The following HDAC4 variants were observed in gnomAD, a reference collection of about 807,000 sequenced individuals.
HDAC4 encodes histone deacetylase 4.
Under a neutral mutation model 135.1 loss-of-function variants are expected in HDAC4, and 16 were observed. The ratio of observed to expected loss-of-function variants is 0.12; its 90% CI spans 0.08 to 0.18. HDAC4 has a LOEUF of 0.18. Ranked by LOEUF, HDAC4 falls within the 10% of genes least tolerant of loss-of-function variation. The pLI, the probability that HDAC4 is intolerant of heterozygous loss-of-function variation, is 1.00. For missense variants in HDAC4, 1,143 were observed against 1,511.8 expected (o/e 0.76, Z 4.05); for synonymous variants, 685 against 653.4 (o/e 1.05, Z -0.74).
At chr2:239,179,998 G>A (rs551666402) in intron 4 of HDAC4, among the ~76,000 whole-genome samples, 72 of 152,382 alleles carry the variant, frequency 4.7e-4, no homozygotes, top group Non-Finnish European at 7.9e-4. Flanking sequence ...GTGCAAGGGC[G>A]CTGCCCTTCT....
chr2:239,189,735 C>A (rs1452228814), intron 4 of HDAC4, 98 bp downstream of exon 4: 5 of 1,244,552 alleles, frequency 4.0e-6, no homozygotes, highest in Non-Finnish European at 5.7e-6. Flanking sequence ...TGCATCATGC[C>A]TGGGGCCCCA....
At chr2:239,396,139 ATT>A (rs557713979) in intron 1 of HDAC4, among the ~76,000 whole-genome samples, 10 of 138,700 alleles carry the variant, frequency 7.2e-5, no homozygotes, top group East Asian at 2.1e-4. Context: ...GTCATGCCTG[ATT>A]TTTTTTTTTT....
intron 3 of HDAC4, among the ~76,000 whole-genome samples, chr2:239,208,024 A>C (rs910840571): frequency 6.6e-6 from 1 of 152,146 alleles, no homozygotes; most frequent in Non-Finnish European, 1.5e-5. Flanking sequence ...GTTTTAACAC[A>C]AGAAAACACA....
intron 2 of HDAC4, among the ~76,000 whole-genome samples, chr2:239,336,836 C>A (rs1691970581): frequency 6.6e-6 from 1 of 152,220 alleles, no homozygotes; most frequent in Non-Finnish European, 1.5e-5. Flanking sequence ...CCTGAAGTTT[C>A]CCACTAATGT....
At chr2:239,340,311 C>T (rs1476069575) in intron 2 of HDAC4, among the ~76,000 whole-genome samples, 4 of 152,050 alleles carry the variant, frequency 2.6e-5, no homozygotes, top group East Asian at 1.9e-4. Flanking sequence ...TGAGGACTGG[C>T]GAAGAACAAA....
rs770675183 is a variant in HDAC4, at chr2:239,134,465, C to T, written c.1096-22G>A. Reference sequence around the variant, plus strand: ...TGCCCTGGAAAGCACAGCCAGGATGCTCGGGTGGAAGGACCCATCACCACC... The same window carrying T: ...TGCCCTGGAAAGCACAGCCAGGATGTTCGGGTGGAAGGACCCATCACCACC... On this transcript the variant is annotated intron_variant, in intron 10 of 26. Coordinates refer to ENST00000543185, the MANE Select transcript of HDAC4 (RefSeq NM_001378414.1). 50 of 1,613,676 alleles carry T rather than the reference C, an allele frequency of 3.1e-5. No homozygotes were observed. In the East Asian group the frequency reaches 1.1e-3, roughly 35 times the overall value.
intron 12 of HDAC4, among the ~76,000 whole-genome samples, chr2:239,121,771 C>G (rs977005184): frequency 6.6e-6 from 1 of 152,232 alleles, no homozygotes; most frequent in Non-Finnish European, 1.5e-5. Context: ...GGCCAGGCCC[C>G]TTGCCTTGGC....
intron 2 of HDAC4, among the ~76,000 whole-genome samples, chr2:239,249,976 G>T (rs2124930322): frequency 6.6e-6 from 1 of 152,254 alleles, no homozygotes; most frequent in African/African-American, 2.4e-5. Context: ...TCATCCAAGG[G>T]GAAGCTCTGC....
chr2:239,295,306 C>CAAAAAAAAAAAAAA (rs55990119), intron 2 of HDAC4, among the ~76,000 whole-genome samples: 7 of 46,560 alleles, frequency 1.5e-4, no homozygotes, highest in East Asian at 8.1e-4. Flanking sequence ...GACTCCGTCT[C>CAAAAAAAAAAAAAA]AAAAAAAAAA....
At chr2:239,295,969 C>T (rs1390451771) in intron 2 of HDAC4, among the ~76,000 whole-genome samples, 1 of 152,228 alleles carries the variant, frequency 6.6e-6, no homozygotes, top group Non-Finnish European at 1.5e-5. Context: ...GTAATTAGAG[C>T]TACCAGGCAA....
rs1270757158 is a variant in HDAC4, at chr2:239,052,604, T to C, written c.*493A>G. ...CGGGCCACAGCCGTAGAAAACGTCCTCTTTAAAAAAAAATAAGCTACAAGA... is the reference window on the plus strand; with the variant it reads ...CGGGCCACAGCCGTAGAAAACGTCCCCTTTAAAAAAAAATAAGCTACAAGA... On this transcript the variant is annotated 3_prime_UTR_variant, in exon 27 of 27. Coordinates refer to ENST00000543185, the MANE Select transcript of HDAC4 (RefSeq NM_001378414.1). 1 of 170,680 alleles carries C rather than the reference T, an allele frequency of 5.9e-6. No homozygotes were observed. The highest frequency in any genetic ancestry group is 1.3e-5 in the Non-Finnish European group (1 of 77,694). The allele number at this position is 170,680 out of a possible 1,614,324, so 10.6% of individuals were successfully genotyped here.
At chr2:239,227,664 G>C (rs913546935) in intron 3 of HDAC4, among the ~76,000 whole-genome samples, 2 of 152,222 alleles carry the variant, frequency 1.3e-5, no homozygotes, top group Non-Finnish European at 2.9e-5. Flanking sequence ...AGGCAGCCCT[G>C]GAGTTCCAGG....
At chr2:239,093,526 T>C (rs2152733186) in intron 17 of HDAC4, among the ~76,000 whole-genome samples, 1 of 152,326 alleles carries the variant, frequency 6.6e-6, no homozygotes, top group Middle Eastern at 3.4e-3. Context: ...CTTCTTCCTT[T>C]TGGAAAACAA....
In HDAC4 at chr2:239,210,472, G is replaced by C. The variant is rs147901033; in HGVS notation, c.95-20395C>G. ...AGTTTTTTAAAGAAAGTAACTCAGT[G>C]CTAAACCCTATTCTCAGCGTTGTGT... On this transcript the variant is annotated intron_variant, in intron 3 of 26. Transcript: ENST00000543185. Among the ~76,000 whole-genome samples, 21 of 152,332 alleles carry C rather than the reference G, an allele frequency of 1.4e-4. No homozygotes were observed. In the East Asian group the frequency reaches 4.0e-3, roughly 29 times the overall value.
Position 239,306,865 on chromosome 2 carries a change from A to ATCGAGAGAACCCAT in HDAC4, c.22+45812_22+45813insATGGGTTCTCTCGA, listed in dbSNP as rs1575664772. Among the ~76,000 whole-genome samples the ATCGAGAGAACCCAT allele has an allele frequency of 6.6e-6, 1 of 151,898 alleles. No individual in the cohort carries two copies. Among genetic ancestry groups the ATCGAGAGAACCCAT allele is most frequent in the East Asian group, 1.9e-4 (1 of 5,132 alleles). ...AGGATCGAGAGAACCTTCTGGAAGG[A>ATCGAGAGAACCCAT]GCTGCAGGGATGCATGGGGGCGTTC... On this transcript the variant is annotated intron_variant, in intron 2 of 26. Coordinates refer to ENST00000543185, the MANE Select transcript of HDAC4 (RefSeq NM_001378414.1). The surrounding 1 kb of genome is among the most constrained non-coding windows in gnomAD (Gnocchi z 4.5).
At chr2:239,228,892 A>G (rs2047390139) in intron 3 of HDAC4, among the ~76,000 whole-genome samples, 1 of 152,210 alleles carries the variant, frequency 6.6e-6, no homozygotes, top group African/African-American at 2.4e-5. Context: ...CTGTAATCCC[A>G]GCACTTTGGG....
At chr2:239,182,257 G>A (rs182687586) in intron 4 of HDAC4, among the ~76,000 whole-genome samples, 105 of 152,290 alleles carry the variant, frequency 6.9e-4, no homozygotes, top group African/African-American at 2.2e-3. Context: ...TGATCTCCTC[G>A]TCATGGCGAG....
intron 1 of HDAC4, among the ~76,000 whole-genome samples, chr2:239,361,537 G>A (rs1693867684): frequency 6.6e-6 from 1 of 152,204 alleles, no homozygotes; most frequent in South Asian, 2.1e-4. Context: ...ATTCCCTCAT[G>A]AAGATCACAG....
chr2:239,226,019 C>T (rs566338708), intron 3 of HDAC4, among the ~76,000 whole-genome samples: 11 of 152,262 alleles, frequency 7.2e-5, no homozygotes, highest in Admixed American at 3.3e-4. Flanking sequence ...AGCTGCACCG[C>T]GACACCCTAA....
Sources: allele counts gnomAD v4.1 joint callset (sites outside exome capture counted in the v4.1 genomes callset), GRCh38; gene constraint gnomAD v4.1.1; non-coding constraint Gnocchi (gnomAD v3.1); transcripts MANE v1.5; gene names NCBI Gene and HGNC (gene_info 2026-07-23, HGNC 2026-07-21).